HACD1: variants seen among roughly 807,000 people sequenced by gnomAD.
HACD1 encodes very-long-chain (3R)-3-hydroxyacyl-CoA dehydratase 1.
HACD1 carries 41 observed loss-of-function variants against 32.0 expected under a neutral mutation model. The ratio of observed to expected loss-of-function variants is 1.28; its 90% CI spans 1.00 to 1.66. HACD1 has a LOEUF of 1.66. Among genes scored for constraint, HACD1 ranks in the 40% most tolerant of loss-of-function variants. The pLI is 0.00. For missense variants in HACD1, 396 were observed against 380.1 expected (o/e 1.04, Z -0.35); for synonymous variants, 142 against 139.0 (o/e 1.02, Z -0.15).
At chr10:17,600,314 C>A (rs1465130770) in intron 4 of HACD1, among the ~76,000 whole-genome samples, 1 of 152,100 alleles carries the variant, frequency 6.6e-6, no homozygotes, top group Non-Finnish European at 1.5e-5. Context: ...ATTTGCTCAC[C>A]ACCTTTATTT....
Position 17,594,189 on chromosome 10 carries a change from A to T in HACD1, c.784+16T>A. On this transcript the variant is annotated intron_variant, in intron 6 of 6. Transcript: ENST00000361271. ...CATCATATGTCAAATCAAAGTACTA[A>T]TAAGTATATACTTACAAGGTATATA... 1 of 1,399,812 alleles carries T rather than the reference A, an allele frequency of 7.1e-7. No individual in the cohort carries two copies. The highest frequency in any genetic ancestry group is 1.4e-5 in the African/African-American group (1 of 69,414). The allele number at this position is 1,399,812 out of a possible 1,614,324, so 86.7% of individuals were successfully genotyped here.
chr10:17,591,376 G>C (rs1833926190), intron 6 of HACD1, among the ~76,000 whole-genome samples: 1 of 152,182 alleles, frequency 6.6e-6, no homozygotes, highest in South Asian at 2.1e-4. Context: ...CATGGTCTCA[G>C]GTTTCTAGAA....
Position 17,599,384 on chromosome 10 carries a change from A to G in HACD1, c.511T>C (p.Phe171Leu), listed in dbSNP as rs372732377. ...PIQNEESVVL[F>L]LVAWTVTEIT... ...TCTGTCACAGTCCACGCGACCAGAA[A>G]AAGCACCACACTCTCTTCATTCTGG... The change falls in exon 5 of 7, where the codon TTT (phenylalanine) becomes CTT (leucine). Residue 171 changes from phenylalanine (F) to leucine (L), a missense_variant. Transcript: ENST00000361271. 5 of 1,613,710 alleles carry G rather than the reference A, an allele frequency of 3.1e-6. No homozygotes were observed. In the African/African-American group the frequency reaches 6.7e-5, roughly 22 times the overall value.
chr10:17,599,330 TGAATGTGTA>T lies in HACD1; in HGVS notation c.556_564del (p.Tyr186_Phe188del), dbSNP rs781807471. The T allele has an allele frequency of 7.4e-6, 12 of 1,613,912 alleles. No individual in the cohort carries two copies. The highest frequency in any genetic ancestry group is 5.9e-6 in the Non-Finnish European group (7 of 1,180,016). ...AAGTATGGCAAGTGGTCAAGAAGGCTGAATGTGTAGAAGGAATAGCGAGTGATCTCTGTC... is the reference window on the plus strand; with the variant it reads ...AAGTATGGCAAGTGGTCAAGAAGGCTGAAGGAATAGCGAGTGATCTCTGTC... On this transcript the variant is annotated inframe_deletion, in exon 5 of 7. Coordinates refer to ENST00000361271, the MANE Select transcript of HACD1 (RefSeq NM_014241.4).
At chr10:17,615,870 G>A (rs1279488922) in intron 1 of HACD1, 7 of 425,138 alleles carry the variant, frequency 1.6e-5, no homozygotes, top group Admixed American at 1.0e-4. Flanking sequence ...CGGAGGCCGA[G>A]GCAGGAGAAT....
chr10:17,608,921 TGAAA>T (rs1325673535), intron 1 of HACD1, among the ~76,000 whole-genome samples: 1 of 152,160 alleles, frequency 6.6e-6, no homozygotes, highest in Non-Finnish European at 1.5e-5. Flanking sequence ...CGAGTCAAGC[TGAAA>T]GATTCATAAA....
intron 5 of HACD1, among the ~76,000 whole-genome samples, chr10:17,597,078 A>T (rs1834004099): frequency 6.6e-6 from 1 of 152,234 alleles, no homozygotes; most frequent in African/African-American, 2.4e-5. Flanking sequence ...TGATCAACTG[A>T]CAAAGTATTA....
At chr10:17,614,597 C>T (rs1474380528) in intron 1 of HACD1, among the ~76,000 whole-genome samples, 2 of 151,868 alleles carry the variant, frequency 1.3e-5, no homozygotes, top group Non-Finnish European at 1.5e-5. Flanking sequence ...CGCCTGTAGT[C>T]CCAGCTACTC....
chr10:17,610,336 A>T (rs1554817390), intron 1 of HACD1, among the ~76,000 whole-genome samples: 1 of 152,276 alleles, frequency 6.6e-6, no homozygotes, highest in Admixed American at 6.5e-5. Context: ...AAAATATCTT[A>T]CTTTCTCTTT....
At chr10:17,604,480 CAAAAAAAA>C (rs11354623) in intron 1 of HACD1, among the ~76,000 whole-genome samples, 1 of 82,320 alleles carries the variant, frequency 1.2e-5, no homozygotes, top group Non-Finnish European at 2.4e-5. Flanking sequence ...CTGTCCGTCT[CAAAAAAAA>C]AAAAAAAAAA....
chr10:17,605,729 G>T (rs998952025), intron 1 of HACD1, among the ~76,000 whole-genome samples: 11 of 151,858 alleles, frequency 7.2e-5, no homozygotes, highest in Non-Finnish European at 1.3e-4. Flanking sequence ...TGAGGTGGGT[G>T]GATCACCTGA....
chr10:17,599,010 C>A, intron 5 of HACD1: 1 of 369,140 alleles, frequency 2.7e-6, no homozygotes, highest in Non-Finnish European at 4.2e-6. Context: ...GTATATTGTG[C>A]TTTCCAAAAA....
At position 17,607,711 on chromosome 10, in the gene HACD1, A is replaced by G. The variant is rs116210618; in HGVS notation, c.258-3664T>C. Among the ~76,000 whole-genome samples the G allele has an allele frequency of 8.3e-4, 127 of 152,304 alleles. 2 individuals are homozygous for G. Among genetic ancestry groups the G allele is most frequent in the African/African-American group, 3.0e-3 (125 of 41,570 alleles). ...AGGTGGCAGTATTGTACCACCTAGCATAGTATCATGATCGTGCCACTCACT... is the reference window on the plus strand; with the variant it reads ...AGGTGGCAGTATTGTACCACCTAGCGTAGTATCATGATCGTGCCACTCACT... On this transcript the variant is annotated intron_variant, in intron 1 of 6. Coordinates refer to ENST00000361271, the MANE Select transcript of HACD1 (RefSeq NM_014241.4).
intron 5 of HACD1, chr10:17,599,026 G>A: frequency 2.2e-6 from 1 of 455,660 alleles, no homozygotes; most frequent in East Asian, 6.6e-5. Context: ...AAAAAAAAAT[G>A]AATGACTAAT....
At position 17,608,543 on chromosome 10, in the gene HACD1, C is replaced by T. The variant is rs143329073; in HGVS notation, c.258-4496G>A. On this transcript the variant is annotated intron_variant, in intron 1 of 6. Transcript: ENST00000361271. ...ATGGAGTCTTGCTCTGTCACCCAGT[C>T]TGGTGTGATTTCAGCTCACTGCAAC... 5.7e-4 allele frequency among the ~76,000 whole-genome samples: 86 copies of T among 152,100 alleles called. 1 individual carries two copies. Among genetic ancestry groups the T allele is most frequent in the African/African-American group, 2.0e-3 (85 of 41,500 alleles).
chr10:17,590,595 G>A, intron 6 of HACD1, 149 bp from the exon 7 acceptor site: 1 of 516,442 alleles, frequency 1.9e-6, no homozygotes, highest in South Asian at 3.1e-5. Flanking sequence ...GACTATAAGA[G>A]TGCAAATGGA....
chr10:17,602,116 C>A (rs960680242), intron 4 of HACD1, among the ~76,000 whole-genome samples: 3 of 148,406 alleles, frequency 2.0e-5, no homozygotes. Flanking sequence ...GTCACCCAAA[C>A]TGGAGTGCAG....
chr10:17,595,940 C>T (rs1297812748), intron 5 of HACD1, among the ~76,000 whole-genome samples: 5 of 151,814 alleles, frequency 3.3e-5, no homozygotes, highest in Non-Finnish European at 5.9e-5. Context: ...GAGCCAAGAC[C>T]GCACCACTGT....
At chr10:17,612,475 A>T (rs1554817588) in intron 1 of HACD1, among the ~76,000 whole-genome samples, 1 of 152,242 alleles carries the variant, frequency 6.6e-6, no homozygotes, top group East Asian at 1.9e-4. Flanking sequence ...GACAATAAGC[A>T]TTGCGAATAA....
Sources: allele counts gnomAD v4.1 joint callset (sites outside exome capture counted in the v4.1 genomes callset), GRCh38; gene constraint gnomAD v4.1.1; transcripts MANE v1.5; gene names NCBI Gene and HGNC (gene_info 2026-07-23, HGNC 2026-07-21).